Variants in STAB2 observed in about 807,000 individuals in gnomAD.
STAB2 encodes the protein stabilin 2.
STAB2 carries 288 observed loss-of-function variants against 338.1 expected under a neutral mutation model. The observed-to-expected ratio is 0.85, with a 90% CI of 0.77 to 0.94. STAB2 has a LOEUF of 0.94. Among genes scored for constraint, STAB2 ranks in the 40% least tolerant of loss-of-function variants. STAB2 has a pLI of 0.00. For synonymous variants in STAB2, 1,202 were observed against 1,193.3 expected (o/e 1.01, Z -0.15); for missense variants, 3,141 against 3,210.1 (o/e 0.98, Z 0.52).
At chr12:103,739,317 G>C (rs1882388175) in intron 53 of STAB2, 95 bp from the exon 54 acceptor site, 5 of 1,189,396 alleles carry the variant, frequency 4.2e-6, no homozygotes, top group Non-Finnish European at 1.2e-6. Flanking sequence ...CTTAAGATTA[G>C]TTAAGCCCTT....
rs1218767295 is a variant in STAB2, at chr12:103,730,078, T to C, written c.5083-38T>C. ...AGAAGCAATTTTGTGTCTATTTCAC[T>C]TTGCACTCATTTCTTTTTTGTTTTT... On this transcript the variant is annotated intron_variant, in intron 48 of 68. Transcript: ENST00000388887. 1.9e-6 allele frequency: 3 copies of C among 1,549,200 alleles called. No homozygotes were observed. The East Asian group carries it at 7.0e-5, about 36-fold the overall frequency.
chr12:103,766,629 G>T lies in STAB2; in HGVS notation c.*293G>T. The T allele has an allele frequency of 2.8e-6, 1 of 361,310 alleles. No homozygotes were observed. The highest frequency in any genetic ancestry group is 5.1e-6 in the Non-Finnish European group (1 of 194,618). 22.4% of individuals were successfully genotyped at this position (361,310 alleles called of 1,614,324 possible). A position where few individuals can be genotyped will look rare whatever the true frequency, so the allele number is the denominator to read the frequency against. On this transcript the variant is annotated 3_prime_UTR_variant, in exon 69 of 69. Transcript: ENST00000388887. ...TAACTGTGATCTTTCTTCCCTGTTA[G>T]ATTGTAAGCCTCCGTCTTTGTATCC...
At position 103,740,687 on chromosome 12, in the gene STAB2, C is replaced by T. The variant is rs199979414; in HGVS notation, c.5812C>T (p.Arg1938Trp). ...LPFKRNLEGC[R>W]ERCSLVIQIP... ...CTTCAAGAGGAACCTGGAAGGCTGC[C>T]GGGAGCGGTGCAGCCTGGTGATACA... is the stretch of plus-strand genomic sequence containing the variant. Residue 1938 changes from arginine to tryptophan, a missense_variant, in exon 55 of 69, where the codon CGG (arginine) becomes TGG (tryptophan). Coordinates refer to ENST00000388887, the MANE Select transcript of STAB2 (RefSeq NM_017564.10). The T allele has an allele frequency of 6.6e-5, 107 of 1,611,064 alleles. No homozygotes were observed. Among genetic ancestry groups the T allele is most frequent in the Non-Finnish European group, 7.8e-5 (92 of 1,178,988 alleles).
chr12:103,743,064 C>T (rs1486523226), intron 56 of STAB2, among the ~76,000 whole-genome samples: 1 of 143,522 alleles, frequency 7.0e-6, no homozygotes, highest in East Asian at 2.0e-4. Flanking sequence ...CTCTTGTTGC[C>T]CAGGCTGGAG....
chr12:103,655,573 T>C lies in STAB2; in HGVS notation c.1726T>C (p.Ser576Pro). Residue 576 changes from serine to proline, a missense_variant, in exon 15 of 69, where the codon TCT (serine) becomes CCT (proline). By Grantham distance (74) the Ser-to-Pro change is moderately conservative. Transcript: ENST00000388887. ...MKDGTLDYLLSPEGSRKLLEL... is the reference protein window; with the variant it reads ...MKDGTLDYLLPPEGSRKLLEL... ...GGACGGCACTCTCGATTACCTCCTTTCTCCAGAGGTACCGTATTCTGCTTG... is the reference window on the plus strand; with the variant it reads ...GGACGGCACTCTCGATTACCTCCTTCCTCCAGAGGTACCGTATTCTGCTTG... The C allele has an allele frequency of 6.2e-7, 1 of 1,613,744 alleles. No individual in the cohort carries two copies.
At chr12:103,703,336 A>G (rs1224154536) in intron 35 of STAB2, 60 bp downstream of exon 35, 1 of 1,581,024 alleles carries the variant, frequency 6.3e-7, no homozygotes, top group Admixed American at 1.8e-5. Context: ...TTTTTTATAT[A>G]ATTTTGGGGG....
rs540223222 is a variant in STAB2 at position 103,741,269 on chromosome 12, G to T, written c.5881+513G>T. On this transcript the variant is annotated intron_variant, in intron 55 of 68. Coordinates refer to ENST00000388887, the MANE Select transcript of STAB2 (RefSeq NM_017564.10). ...TTTGGGCCCATTCTGAAACCCCTGT[G>T]TTAACTTCTAGCCAACAATACATCA... Among the ~76,000 whole-genome samples, 16 of 152,226 alleles carry T rather than the reference G, an allele frequency of 1.1e-4. 1 individual carries two copies. The highest frequency in any genetic ancestry group is 2.0e-4 in the Admixed American group (3 of 15,296).
chr12:103,754,945 C>CAAA (rs755475468), intron 61 of STAB2: 215 of 159,286 alleles, frequency 1.3e-3, no homozygotes, highest in East Asian at 9.5e-3. Context: ...GACTCCACCT[C>CAAA]AAAAAAAAAA....
chr12:103,698,735 CCT>C (rs1878609623), intron 33 of STAB2, among the ~76,000 whole-genome samples: 1 of 152,246 alleles, frequency 6.6e-6, no homozygotes, highest in African/African-American at 2.4e-5. Context: ...TAGTGAAGCT[CCT>C]CTCGTGCCCC....
chr12:103,745,255 C>T lies in STAB2; in HGVS notation c.6114C>T (p.Gly2038=), dbSNP rs1233280050. 3 of 1,613,714 alleles carry T rather than the reference C, an allele frequency of 1.9e-6. No homozygotes were observed. The highest frequency in any genetic ancestry group is 2.5e-6 in the Non-Finnish European group (3 of 1,179,928). Residue 2038 remains glycine, a synonymous_variant, in exon 57 of 69, where the codon GGC becomes GGT. Transcript: ENST00000388887. ...GCCTCTGTGAAACGGGGTGGACAGG[C>T]CCCTCGTGTGACACTCAGGCAGGTC... ...GQCLCETGWT[G]PSCDTQAVLP...
intron 47 of STAB2, among the ~76,000 whole-genome samples, chr12:103,728,338 G>T (rs1881374721): frequency 6.6e-6 from 1 of 152,088 alleles, no homozygotes; most frequent in Non-Finnish European, 1.5e-5. Context: ...TCGAACTCCT[G>T]GCCTCAAGTG....
At position 103,745,272 on chromosome 12, in the gene STAB2, AG is replaced by A. The variant is rs1566069391; in HGVS notation, c.6133del (p.Ala2045GlnfsTer80). On this transcript the variant is annotated frameshift_variant, in exon 57 of 69. Transcript: ENST00000388887. LOFTEE classifies it high-confidence loss of function. ...TGWTGPSCDT[Q>X]AVLPAVCTPP... is the part of the protein sequence containing the mutation. ...TGGACAGGCCCCTCGTGTGACACTC[AG>A]GCAGGTCAGTCATGGGAGTGGTCAG... The A allele has an allele frequency of 1.2e-6, 2 of 1,612,984 alleles. No individual in the cohort carries two copies. Among genetic ancestry groups the A allele is most frequent in the Non-Finnish European group, 1.7e-6 (2 of 1,179,794 alleles).
intron 3 of STAB2, among the ~76,000 whole-genome samples, chr12:103,607,733 T>C (rs914971995): frequency 3.3e-5 from 5 of 152,236 alleles, no homozygotes; most frequent in Admixed American, 2.6e-4. Flanking sequence ...TTTTTATCGC[T>C]GCATAGTATT....
At chr12:103,593,548 C>A (rs897126467) in intron 2 of STAB2, among the ~76,000 whole-genome samples, 5 of 152,148 alleles carry the variant, frequency 3.3e-5, no homozygotes, top group Admixed American at 2.0e-4. Context: ...AGTGTCCCTG[C>A]CAGTATTCTC....
intron 31 of STAB2, 23 bp from the exon 32 acceptor site, chr12:103,695,527 G>A (rs1878319890): frequency 6.2e-7 from 1 of 1,613,480 alleles, no homozygotes; most frequent in African/African-American, 1.3e-5. Flanking sequence ...ATGCTAACAG[G>A]ATTCTGGGGT....
intron 49 of STAB2, 76 bp downstream of exon 49, chr12:103,730,332 TCATTTTGAAA>T (rs1881538142): frequency 6.7e-7 from 1 of 1,503,106 alleles, no homozygotes; most frequent in Non-Finnish European, 9.0e-7. Flanking sequence ...TTCGAAGTCA[TCATTTTGAAA>T]CATTTTCTTT....
intron 56 of STAB2, among the ~76,000 whole-genome samples, chr12:103,744,700 G>A (rs755534003): frequency 1.6e-4 from 24 of 146,976 alleles, no homozygotes; most frequent in Admixed American, 5.4e-4. Context: ...GGTCTTGACC[G>A]GGCCTCAAGC....
chr12:103,644,699 C>CA (rs1442206442), intron 9 of STAB2, among the ~76,000 whole-genome samples: 1 of 152,060 alleles, frequency 6.6e-6, no homozygotes, highest in Admixed American at 6.6e-5. Context: ...ATGATAGGTA[C>CA]AAAAAATATA....
At position 103,742,548 on chromosome 12, in the gene STAB2, T is replaced by C. The variant is rs1179480509; in HGVS notation, c.6025T>C (p.Cys2009Arg). 6.2e-7 allele frequency: 1 copy of C among 1,614,140 alleles called. No individual in the cohort carries two copies. Among genetic ancestry groups the C allele is most frequent in the Non-Finnish European group, 8.5e-7 (1 of 1,179,998 alleles). Residue 2009 changes from cysteine to arginine, a missense_variant, in exon 56 of 69, where the codon TGT becomes CGT. Cys to Arg is a radical substitution (Grantham distance 180). Coordinates refer to ENST00000388887, the MANE Select transcript of STAB2 (RefSeq NM_017564.10). ...CTGGCCGGGGAGATTCGGGCCTGAT[T>C]GTCTGCGTATGTGGCGCCGCTTCTC... ...MCWPGRFGPD[C>R]LPCGCSDHGQ...
Sources: allele counts gnomAD v4.1 joint callset (sites outside exome capture counted in the v4.1 genomes callset), GRCh38; gene constraint gnomAD v4.1.1; transcripts MANE v1.5; gene names NCBI Gene and HGNC (gene_info 2026-07-23, HGNC 2026-07-21).